ARHGAP12: variants seen among roughly 807,000 people sequenced by gnomAD.
The protein encoded by ARHGAP12 is Rho GTPase activating protein 12, also known as rho GTPase-activating protein 12.
In ARHGAP12, 64 loss-of-function variants were observed where a neutral mutation model predicts 108.6. That is an observed-to-expected ratio of 0.59 (90% confidence interval 0.48 to 0.73). The LOEUF is 0.73. Among genes scored for constraint, ARHGAP12 ranks in the 30% least tolerant of loss-of-function variants. The pLI, the probability that ARHGAP12 is intolerant of heterozygous loss-of-function variation, is 0.00. For missense variants in ARHGAP12, 940 were observed against 1,005.9 expected (o/e 0.93, Z 0.89); for synonymous variants, 312 against 337.2 (o/e 0.93, Z 0.82).
chr10:31,848,392 C>T (rs1357349518), intron 6 of ARHGAP12, among the ~76,000 whole-genome samples: 1 of 152,184 alleles, frequency 6.6e-6, no homozygotes, highest in African/African-American at 2.4e-5. Flanking sequence ...GCATTCAAAG[C>T]ATATTTTCTA....
chr10:31,863,788 TACA>T (rs1837222408), intron 3 of ARHGAP12, among the ~76,000 whole-genome samples: 1 of 152,144 alleles, frequency 6.6e-6, no homozygotes, highest in Non-Finnish European at 1.5e-5. Flanking sequence ...CGATCATCTC[TACA>T]GACACCAAGA....
chr10:31,898,909 C>T (rs1189647370), intron 3 of ARHGAP12, among the ~76,000 whole-genome samples: 1 of 152,070 alleles, frequency 6.6e-6, no homozygotes, highest in East Asian at 1.9e-4. Flanking sequence ...ATTATTCATA[C>T]TAGCCAAAAA....
At chr10:31,860,525 C>T (rs2132304993) in intron 4 of ARHGAP12, among the ~76,000 whole-genome samples, 1 of 152,114 alleles carries the variant, frequency 6.6e-6, no homozygotes, top group South Asian at 2.1e-4. Context: ...AAGGTGAAAC[C>T]AGAAGGAGAA....
intron 9 of ARHGAP12, among the ~76,000 whole-genome samples, chr10:31,837,446 G>T (rs1351642547): frequency 1.3e-5 from 2 of 152,192 alleles, no homozygotes; most frequent in Admixed American, 6.5e-5. Context: ...AAACCTGGTA[G>T]GGAGACTAGA....
chr10:31,864,504 CAATGCA>C (rs1048348159), intron 3 of ARHGAP12, among the ~76,000 whole-genome samples: 4 of 152,122 alleles, frequency 2.6e-5, no homozygotes, highest in Admixed American at 1.3e-4. Context: ...TCCATAAATA[CAATGCA>C]ATATTTGGCA....
chr10:31,836,263 G>A (rs1242952140), intron 9 of ARHGAP12, among the ~76,000 whole-genome samples: 2 of 152,034 alleles, frequency 1.3e-5, no homozygotes, highest in Non-Finnish European at 2.9e-5. Flanking sequence ...ACTTTACTCA[G>A]TATTCAGTAA....
At chr10:31,919,322 G>C (rs1367762919) in intron 1 of ARHGAP12, among the ~76,000 whole-genome samples, 2 of 152,168 alleles carry the variant, frequency 1.3e-5, no homozygotes, top group Non-Finnish European at 2.9e-5. Flanking sequence ...GGACAACAAA[G>C]TTAATTTATT....
chr10:31,881,598 C>T (rs1267635900), intron 3 of ARHGAP12, among the ~76,000 whole-genome samples: 3 of 152,174 alleles, frequency 2.0e-5, no homozygotes, highest in Non-Finnish European at 2.9e-5. Flanking sequence ...ACTTGACTGA[C>T]TTATCTTGCC....
rs1179099039 is a variant in ARHGAP12, at chr10:31,889,618, CGTTTTTTTT to C, written c.684+18545_684+18553del. On this transcript the variant is annotated intron_variant, in intron 3 of 19. Coordinates refer to ENST00000344936, the MANE Select transcript of ARHGAP12 (RefSeq NM_018287.7). ...TTGATTTTCTTTTCTTAATTTTTCT[CGTTTTTTTT>C]TTTTTTTTTTTTTTTTTGAGACAGG... Among the ~76,000 whole-genome samples, 7 of 101,556 alleles carry C rather than the reference CGTTTTTTTT, an allele frequency of 6.9e-5. No individual in the cohort carries two copies. The East Asian group carries it at 2.0e-3, about 29-fold the overall frequency. 66.6% of individuals were successfully genotyped at this position (101,556 alleles called of 152,430 possible). A position where few individuals can be genotyped will look rare whatever the true frequency, so the allele number is the denominator to read the frequency against.
At chr10:31,901,927 T>C (rs767422523) in intron 3 of ARHGAP12, among the ~76,000 whole-genome samples, 1 of 152,144 alleles carries the variant, frequency 6.6e-6, no homozygotes, top group Non-Finnish European at 1.5e-5. Flanking sequence ...ACATTTGTGA[T>C]TAAATGGAGG....
chr10:31,847,999 T>C (rs1228140087), intron 6 of ARHGAP12, among the ~76,000 whole-genome samples: 2 of 152,174 alleles, frequency 1.3e-5, no homozygotes, highest in Admixed American at 1.3e-4. Context: ...GAGGGGCTCA[T>C]CTGCACCAGT....
chr10:31,823,262 A>G (rs921671217), intron 11 of ARHGAP12, among the ~76,000 whole-genome samples: 1 of 152,298 alleles, frequency 6.6e-6, no homozygotes, highest in Middle Eastern at 3.4e-3. Context: ...TTCTGAAGTG[A>G]GAAAAAAACA....
At chr10:31,852,298 A>G (rs1219137833) in intron 6 of ARHGAP12, among the ~76,000 whole-genome samples, 1 of 152,230 alleles carries the variant, frequency 6.6e-6, no homozygotes, top group Non-Finnish European at 1.5e-5. Context: ...AAGTTAACCC[A>G]AAAGATATTC....
intron 10 of ARHGAP12, among the ~76,000 whole-genome samples, chr10:31,829,327 T>C (rs1287811608): frequency 2.0e-5 from 3 of 152,048 alleles, no homozygotes; most frequent in African/African-American, 7.2e-5. Flanking sequence ...TACCAAGGGC[T>C]GGGGGATGGA....
intron 3 of ARHGAP12, among the ~76,000 whole-genome samples, chr10:31,903,976 G>A (rs1250568151): frequency 2.0e-5 from 3 of 152,194 alleles, no homozygotes; most frequent in East Asian, 1.9e-4. Flanking sequence ...TGGTGAGCAC[G>A]CGGAGGAACT....
intron 3 of ARHGAP12, among the ~76,000 whole-genome samples, chr10:31,867,694 A>G (rs1365320473): frequency 6.6e-6 from 1 of 152,214 alleles, no homozygotes; most frequent in Non-Finnish European, 1.5e-5. Context: ...TTTTAAAAAA[A>G]TATTTTTAGA....
chr10:31,908,081 G>T, intron 3 of ARHGAP12, 91 bp downstream of exon 3: 1 of 1,260,532 alleles, frequency 7.9e-7, no homozygotes, highest in Non-Finnish European at 1.1e-6. Context: ...AGCAAAACAA[G>T]TCTTAACTCT....
At chr10:31,830,356 T>C (rs1170286579) in intron 10 of ARHGAP12, among the ~76,000 whole-genome samples, 1 of 151,842 alleles carries the variant, frequency 6.6e-6, no homozygotes, top group African/African-American at 2.4e-5. Context: ...TAAATATAAA[T>C]TGAAAAAAGT....
chr10:31,819,181 G>C (rs1035523446), intron 12 of ARHGAP12, among the ~76,000 whole-genome samples: 2 of 151,990 alleles, frequency 1.3e-5, no homozygotes, highest in African/African-American at 4.8e-5. Context: ...TCATTGTTAT[G>C]GTGATGCTTG....
Sources: allele counts gnomAD v4.1 joint callset (sites outside exome capture counted in the v4.1 genomes callset), GRCh38; gene constraint gnomAD v4.1.1; transcripts MANE v1.5; gene names NCBI Gene and HGNC (gene_info 2026-07-23, HGNC 2026-07-21).